The following LDLRAD3 variants were observed in gnomAD, a reference collection of about 807,000 sequenced individuals.
LDLRAD3 encodes low-density lipoprotein receptor class A domain-containing protein 3.
Under a neutral mutation model 29.4 loss-of-function variants are expected in LDLRAD3, and 20 were observed. That is an observed-to-expected ratio of 0.68 (90% CI 0.48 to 0.99). The LOEUF is 0.99. LDLRAD3 is among the 50% of genes least tolerant of loss of function. The probability of loss-of-function intolerance (pLI) is 0.00; values close to 1 mark genes in which losing one functional copy is unlikely to be tolerated. For synonymous variants in LDLRAD3, 157 were observed against 192.7 expected, an observed-to-expected ratio of 0.81 and a Z score of 1.53; for missense variants, 420 against 454.3, an observed-to-expected ratio of 0.92 and a Z score of 0.69.
chr11:36,093,919 GT>G (rs34184075), intron 3 of LDLRAD3, among the ~76,000 whole-genome samples: 58,455 of 151,956 alleles, frequency 0.38, 11,757 homozygotes, highest in South Asian at 0.53. Context: ...AAAGGTTAAA[GT>G]TGAAGACACC....
chr11:36,027,003 G>T (rs1852175196), intron 1 of LDLRAD3, among the ~76,000 whole-genome samples: 1 of 152,092 alleles, frequency 6.6e-6, no homozygotes, highest in South Asian at 2.1e-4. Context: ...CTCTGGATTC[G>T]CCTTGAATTC....
At chr11:36,067,208 A>G (rs1022911332) in intron 2 of LDLRAD3, among the ~76,000 whole-genome samples, 2 of 152,060 alleles carry the variant, frequency 1.3e-5, no homozygotes, top group Admixed American at 6.5e-5. Flanking sequence ...TTCCTTTTGC[A>G]TTCTGGCCAT....
intron 4 of LDLRAD3, among the ~76,000 whole-genome samples, chr11:36,207,744 T>A (rs1477899611): frequency 6.6e-6 from 1 of 151,722 alleles, no homozygotes; most frequent in Non-Finnish European, 1.5e-5. Flanking sequence ...CAAAAGGGCA[T>A]GAATCTCAAA....
intron 2 of LDLRAD3, among the ~76,000 whole-genome samples, chr11:36,038,559 A>G (rs546083084): frequency 2.0e-5 from 3 of 152,320 alleles, no homozygotes; most frequent in East Asian, 1.9e-4. Context: ...AGTGCATTCT[A>G]TGGCATTCTG....
intron 4 of LDLRAD3, among the ~76,000 whole-genome samples, chr11:36,214,785 GGCCAT>G (rs1434947859): frequency 6.6e-6 from 1 of 152,140 alleles, no homozygotes; most frequent in Non-Finnish European, 1.5e-5. Flanking sequence ...ATGGAATGAT[GGCCAT>G]GAAGGCATGG....
At chr11:36,035,042 G>T (rs1319274509) in intron 1 of LDLRAD3, among the ~76,000 whole-genome samples, 2 of 152,154 alleles carry the variant, frequency 1.3e-5, no homozygotes, top group African/African-American at 2.4e-5. Flanking sequence ...CCAGCCTAAA[G>T]GTATAATAAG....
At chr11:36,154,371 G>A (rs1020431488) in intron 4 of LDLRAD3, among the ~76,000 whole-genome samples, 3 of 152,166 alleles carry the variant, frequency 2.0e-5, no homozygotes, top group Non-Finnish European at 4.4e-5. Context: ...GACCCCAGGT[G>A]GCACAGCCTA....
intron 3 of LDLRAD3, among the ~76,000 whole-genome samples, chr11:36,097,614 AG>A (rs1287232139): frequency 2.0e-5 from 3 of 152,214 alleles, no homozygotes; most frequent in East Asian, 1.9e-4. Flanking sequence ...AAGGGTGAGT[AG>A]GGGGAAGGGA....
intron 4 of LDLRAD3, among the ~76,000 whole-genome samples, chr11:36,201,604 G>T (rs1387978068): frequency 6.6e-6 from 1 of 152,320 alleles, no homozygotes; most frequent in Non-Finnish European, 1.5e-5. Flanking sequence ...ATAATTAGGC[G>T]TGGATTTTTT....
At chr11:36,046,964 G>A (rs1486391276) in intron 2 of LDLRAD3, among the ~76,000 whole-genome samples, 5 of 152,028 alleles carry the variant, frequency 3.3e-5, no homozygotes, top group Non-Finnish European at 5.9e-5. Context: ...GCCTTCATTT[G>A]GCCATTTCCA....
intron 4 of LDLRAD3, among the ~76,000 whole-genome samples, chr11:36,133,830 C>A (rs1024203181): frequency 6.6e-6 from 1 of 152,062 alleles, no homozygotes; most frequent in African/African-American, 2.4e-5. Context: ...AGCCACCGCG[C>A]CCGGCCCATT....
At chr11:36,080,732 A>T (rs1203495252) in intron 2 of LDLRAD3, among the ~76,000 whole-genome samples, 1 of 152,194 alleles carries the variant, frequency 6.6e-6, no homozygotes, top group Non-Finnish European at 1.5e-5. Context: ...ACAAAGCAAA[A>T]TCAACACAGG....
intron 2 of LDLRAD3, among the ~76,000 whole-genome samples, chr11:36,074,615 G>A (rs904551): frequency 0.21 from 32,588 of 152,102 alleles, 4,037 homozygotes; most frequent in East Asian, 0.35. Context: ...TTATTCTAAC[G>A]TAATGGGAAG....
intron 4 of LDLRAD3, among the ~76,000 whole-genome samples, chr11:36,202,965 C>T (rs1161280271): frequency 6.6e-6 from 1 of 152,128 alleles, no homozygotes; most frequent in Non-Finnish European, 1.5e-5. Flanking sequence ...GAGACAGAGT[C>T]TTGCTCTGTC....
intron 1 of LDLRAD3, among the ~76,000 whole-genome samples, chr11:35,990,331 T>A (rs1402460924): frequency 6.6e-6 from 1 of 152,140 alleles, no homozygotes; most frequent in Non-Finnish European, 1.5e-5. Flanking sequence ...TGAGGGAGAA[T>A]CTACTCCATG....
chr11:36,123,302 C>T (rs1377217845), intron 4 of LDLRAD3, among the ~76,000 whole-genome samples: 1 of 152,202 alleles, frequency 6.6e-6, no homozygotes, highest in Non-Finnish European at 1.5e-5. Flanking sequence ...ATGTGTGCAA[C>T]ACAAGAGTTG....
chr11:36,214,762 C>A (rs1855329452), intron 4 of LDLRAD3, among the ~76,000 whole-genome samples: 1 of 152,158 alleles, frequency 6.6e-6, no homozygotes, highest in South Asian at 2.1e-4. Context: ...CTTTTTCTCA[C>A]CTGTGAGGCT....
Position 35,959,383 on chromosome 11 carries a change from T to C in LDLRAD3, c.46+15239T>C, listed in dbSNP as rs527894635. Among the ~76,000 whole-genome samples the C allele has an allele frequency of 4.3e-4, 66 of 152,350 alleles. 1 individual carries two copies. Among genetic ancestry groups the C allele is most frequent in the African/African-American group, 1.6e-3 (66 of 41,598 alleles). On this transcript the variant is annotated intron_variant, in intron 1 of 5. Coordinates refer to ENST00000315571, the MANE Select transcript of LDLRAD3 (RefSeq NM_174902.4). ...GCTGCCTGTAACTTGTATTTGTTCG[T>C]GTAGAACTTAACACACAGTATTGCA...
intron 4 of LDLRAD3, among the ~76,000 whole-genome samples, chr11:36,214,065 A>G (rs1345500751): frequency 6.6e-6 from 1 of 152,156 alleles, no homozygotes; most frequent in Admixed American, 6.5e-5. Context: ...TCCCTTCATT[A>G]AATGCTTTCA....
Sources: gnomAD v4.1 joint callset for allele counts (sites outside exome capture counted in the v4.1 genomes callset) on GRCh38, gnomAD v4.1.1 for gene constraint, MANE v1.5 for transcripts, NCBI Gene and HGNC (gene_info 2026-07-23, HGNC 2026-07-21) for gene names.